The following ZNF407 variants were observed in gnomAD, a reference collection of about 807,000 sequenced individuals.
ZNF407 encodes zinc finger protein 407.
Under a neutral mutation model 131.2 loss-of-function variants are expected in ZNF407, and 17 were observed. That is an observed-to-expected ratio of 0.13 (90% CI 0.09 to 0.19). ZNF407 has a LOEUF of 0.19. Ranked by LOEUF, ZNF407 falls within the 10% of genes least tolerant of loss-of-function variation. The pLI is 1.00. For synonymous variants in ZNF407, 1,156 were observed against 1,062.0 expected, an observed-to-expected ratio of 1.09 and a Z score of -1.72; for missense variants, 2,681 against 2,830.6, an observed-to-expected ratio of 0.95 and a Z score of 1.20.
intron 8 of ZNF407, among the ~76,000 whole-genome samples, chr18:75,024,121 G>T (rs1973144020): frequency 1.3e-5 from 2 of 152,200 alleles, no homozygotes; most frequent in African/African-American, 4.8e-5. Flanking sequence ...AGACTTTCAA[G>T]AGAAAAGCCA....
intron 3 of ZNF407, among the ~76,000 whole-genome samples, chr18:74,688,807 A>G (rs1042967458): frequency 1.3e-5 from 2 of 152,072 alleles, no homozygotes; most frequent in Non-Finnish European, 2.9e-5. Flanking sequence ...ACAATATCAA[A>G]TCTTTCAATC....
intron 3 of ZNF407, among the ~76,000 whole-genome samples, chr18:74,748,723 GTATCC>G: frequency 6.6e-6 from 1 of 152,246 alleles, no homozygotes; most frequent in East Asian, 1.9e-4. Context: ...CATTATGGCA[GTATCC>G]TATGATCTTC....
chr18:75,020,103 A>C (rs1360415265), intron 8 of ZNF407, among the ~76,000 whole-genome samples: 1 of 152,156 alleles, frequency 6.6e-6, no homozygotes, highest in East Asian at 1.9e-4. Context: ...TTTACTTCGT[A>C]ATAGCCCCAA....
At chr18:74,927,857 A>C (rs1971934327) in intron 8 of ZNF407, among the ~76,000 whole-genome samples, 1 of 152,236 alleles carries the variant, frequency 6.6e-6, no homozygotes, top group African/African-American at 2.4e-5. Context: ...ATACATACAT[A>C]TTAGTGTAAC....
At chr18:74,961,716 TAA>T (rs11356218) in intron 8 of ZNF407, among the ~76,000 whole-genome samples, 82 of 140,468 alleles carry the variant, frequency 5.8e-4, no homozygotes, top group Admixed American at 7.7e-4. Flanking sequence ...CTGTCTCAAT[TAA>T]AAAAAAAAAA....
chr18:75,003,836 A>G (rs545842444), intron 8 of ZNF407, among the ~76,000 whole-genome samples: 6 of 152,326 alleles, frequency 3.9e-5, no homozygotes, highest in African/African-American at 1.4e-4. Context: ...TTGTCAGGTC[A>G]TTGGCTCTTA....
At chr18:74,729,528 G>T (rs750366814) in intron 3 of ZNF407, among the ~76,000 whole-genome samples, 1 of 151,854 alleles carries the variant, frequency 6.6e-6, no homozygotes. Context: ...TTGCATGTTC[G>T]TTGGTTCCCT....
intron 3 of ZNF407, among the ~76,000 whole-genome samples, chr18:74,780,258 A>G (rs1969572755): frequency 6.6e-6 from 1 of 152,206 alleles, no homozygotes; most frequent in Admixed American, 6.5e-5. Flanking sequence ...ATTATATGAA[A>G]TTAAACAAAA....
intron 3 of ZNF407, among the ~76,000 whole-genome samples, chr18:74,704,924 G>T (rs1482206618): frequency 1.3e-5 from 2 of 152,176 alleles, no homozygotes; most frequent in Non-Finnish European, 2.9e-5. Context: ...TAGTAGGCTT[G>T]TATGCTTTTA....
rs1984687160 is a variant in ZNF407, at chr18:74,641,022, A to C, written c.4702A>C (p.Lys1568Gln). Residue 1568 changes from lysine (K) to glutamine (Q), a missense_variant, in exon 3 of 9, where the codon AAG (lysine) becomes CAG (glutamine). Coordinates refer to ENST00000299687, the MANE Select transcript of ZNF407 (RefSeq NM_017757.3). Reference sequence around the variant, plus strand: ...AATTTACTCAGGATCAAAACCATTCAAGTGCAAGATATGCCATTTTGCAAC... The same window carrying C: ...AATTTACTCAGGATCAAAACCATTCCAGTGCAAGATATGCCATTTTGCAAC... ...IRTHTGSKPF[K>Q]CKICHFATAQ... 1 of 1,612,906 alleles carries C rather than the reference A, an allele frequency of 6.2e-7. No homozygotes were observed. Among genetic ancestry groups the C allele is most frequent in the Non-Finnish European group, 8.5e-7 (1 of 1,179,112 alleles).
chr18:74,995,701 T>C (rs1459081310), intron 8 of ZNF407, among the ~76,000 whole-genome samples: 1 of 152,190 alleles, frequency 6.6e-6, no homozygotes, highest in Non-Finnish European at 1.5e-5. Context: ...GTGACAATGC[T>C]GGGCCCTTCC....
chr18:75,062,840 T>A (rs1973654006), intron 8 of ZNF407: 1 of 242,438 alleles, frequency 4.1e-6, no homozygotes, highest in Non-Finnish European at 7.9e-6. Context: ...GGGGGAGGTA[T>A]CCAGCCTCCT....
intron 1 of ZNF407, among the ~76,000 whole-genome samples, chr18:74,606,237 GA>G (rs368651423): frequency 6.6e-6 from 1 of 152,008 alleles, no homozygotes; most frequent in Non-Finnish European, 1.5e-5. Flanking sequence ...TCTGCTATGT[GA>G]AAAAAATGCA....
intron 8 of ZNF407, among the ~76,000 whole-genome samples, chr18:74,947,015 A>G (rs556554732): frequency 1.3e-5 from 2 of 152,340 alleles, no homozygotes; most frequent in South Asian, 4.1e-4. Context: ...GAGGGTTTCT[A>G]GTCTGTGTGG....
chr18:74,765,937 C>CT (rs1969219673), intron 3 of ZNF407, among the ~76,000 whole-genome samples: 1 of 151,996 alleles, frequency 6.6e-6, no homozygotes, highest in Admixed American at 6.6e-5. Context: ...TCTGATTACT[C>CT]TATCTTCTAA....
intron 8 of ZNF407, among the ~76,000 whole-genome samples, chr18:75,018,456 T>C (rs1483073730): frequency 6.6e-6 from 1 of 152,004 alleles, no homozygotes; most frequent in African/African-American, 2.4e-5. Context: ...TTCACAGTCT[T>C]AAATAATTTT....
intron 8 of ZNF407, among the ~76,000 whole-genome samples, chr18:74,944,833 T>C (rs1972137199): frequency 6.6e-6 from 1 of 152,184 alleles, no homozygotes; most frequent in Non-Finnish European, 1.5e-5. Flanking sequence ...GCAGTTTGAG[T>C]GCCACGTCAC....
chr18:74,739,522 A>T (rs1270042683), intron 3 of ZNF407, among the ~76,000 whole-genome samples: 2 of 151,384 alleles, frequency 1.3e-5, no homozygotes, highest in Non-Finnish European at 2.9e-5. Context: ...ATATATATAT[A>T]TGTATGTATG....
At position 74,818,865 on chromosome 18, in the gene ZNF407, TA is replaced by T. The variant is rs11392274; in HGVS notation, c.4877+37378del. On this transcript the variant is annotated intron_variant, in intron 4 of 8. Coordinates refer to ENST00000299687, the MANE Select transcript of ZNF407 (RefSeq NM_017757.3). The stretch of plus-strand genomic sequence containing the variant: ...AACTGGTTTTAAGGCCATTGAACAG[TA>T]AAAAAAAAAAAAAAGCTAAACATGA... 4.3e-3 allele frequency among the ~76,000 whole-genome samples: 597 copies of T among 139,384 alleles called. 11 individuals carry two copies. Among genetic ancestry groups the T allele is most frequent in the African/African-American group, 0.014 (513 of 37,990 alleles). The allele number at this position is 139,384 out of a possible 152,430, so 91.4% of individuals were successfully genotyped here. A position where few individuals can be genotyped will look rare whatever the true frequency, so the allele number is the denominator to read the frequency against.
Sources: allele counts gnomAD v4.1 joint callset (sites outside exome capture counted in the v4.1 genomes callset), GRCh38; gene constraint gnomAD v4.1.1; transcripts MANE v1.5; gene names NCBI Gene and HGNC (gene_info 2026-07-23, HGNC 2026-07-21).